The following SLC37A1 variants were observed in gnomAD, a reference collection of about 807,000 sequenced individuals.
The protein encoded by SLC37A1 is glucose-6-phosphate exchanger SLC37A1.
Under a neutral mutation model 75.3 loss-of-function variants are expected in SLC37A1, and 49 were observed. The ratio of observed to expected loss-of-function variants is 0.65; its 90% CI spans 0.52 to 0.83. The LOEUF (loss-of-function observed/expected upper bound fraction) is 0.83, where lower values mean the gene tolerates loss of function less well. SLC37A1 is among the 40% of genes least tolerant of loss of function. The probability of loss-of-function intolerance (pLI) is 0.00; values close to 1 mark genes in which losing one functional copy is unlikely to be tolerated. For synonymous variants in SLC37A1, 268 were observed against 292.1 expected, an observed-to-expected ratio of 0.92 and a Z score of 0.84; for missense variants, 566 against 695.0, an observed-to-expected ratio of 0.81 and a Z score of 2.09.
chr21:42,579,914 C>A, intron 19 of SLC37A1, 114 bp downstream of exon 19: 1 of 935,436 alleles, frequency 1.1e-6, no homozygotes, highest in Non-Finnish European at 1.7e-6. Flanking sequence ...CGTGGCTTAT[C>A]TTTTCACGGC....
At chr21:42,565,030 CCT>C (rs1347264070) in intron 14 of SLC37A1, among the ~76,000 whole-genome samples, 4 of 152,274 alleles carry the variant, frequency 2.6e-5, no homozygotes, top group African/African-American at 9.6e-5. Flanking sequence ...GCAAGCTGCT[CCT>C]CTCTTTGGGG....
chr21:42,557,523 C>T (rs542288156), intron 10 of SLC37A1, among the ~76,000 whole-genome samples: 1 of 152,374 alleles, frequency 6.6e-6, no homozygotes, highest in South Asian at 2.1e-4. Context: ...CATCTTCATT[C>T]CAGAGCACCT....
At chr21:42,518,106 CT>C (rs1463564225) in intron 1 of SLC37A1, among the ~76,000 whole-genome samples, 170 bp from the exon 2 acceptor site, 3 of 152,204 alleles carry the variant, frequency 2.0e-5, no homozygotes, top group African/African-American at 7.2e-5. Context: ...CTCCACCTCA[CT>C]CCCCCTCTTC....
intron 14 of SLC37A1, among the ~76,000 whole-genome samples, chr21:42,565,508 G>A (rs962702062): frequency 3.9e-5 from 6 of 152,198 alleles, no homozygotes; most frequent in Non-Finnish European, 7.4e-5. Flanking sequence ...AGTCAGACTC[G>A]CAAATCAGGA....
chr21:42,579,223 G>C (rs2056367099), intron 18 of SLC37A1, among the ~76,000 whole-genome samples: 1 of 152,204 alleles, frequency 6.6e-6, no homozygotes, highest in Non-Finnish European at 1.5e-5. Context: ...TGGCCTCCAA[G>C]GGGCTCCCAG....
chr21:42,564,537 A>G (rs192009112), intron 13 of SLC37A1, among the ~76,000 whole-genome samples, 171 bp from the exon 14 acceptor site: 75 of 152,276 alleles, frequency 4.9e-4, no homozygotes, highest in Admixed American at 8.5e-4. Context: ...ACCACAACCA[A>G]TGGAGGCCTG....
chr21:42,519,964 T>TGTGTGTGTG lies in SLC37A1; in HGVS notation c.56+1454_56+1455insGTGTGTGTG, dbSNP rs1555879905. Reference sequence around the variant, plus strand: ...CTCTCCCTGCCCCTCCACAGTGTGTTTGTGTGTGTGTGTGTGTGTGCATGT... The same window carrying TGTGTGTGTG: ...CTCTCCCTGCCCCTCCACAGTGTGTTGTGTGTGTGTGTGTGTGTGTGTGTGTGTGCATGT... On this transcript the variant is annotated intron_variant, in intron 2 of 19. Transcript: ENST00000352133. 1.4e-3 allele frequency among the ~76,000 whole-genome samples: 210 copies of TGTGTGTGTG among 148,660 alleles called. 1 individual carries two copies. Among genetic ancestry groups the TGTGTGTGTG allele is most frequent in the South Asian group, 4.6e-3 (22 of 4,762 alleles).
At chr21:42,553,667 GTT>G (rs57244964) in intron 9 of SLC37A1, among the ~76,000 whole-genome samples, 6 of 146,488 alleles carry the variant, frequency 4.1e-5, no homozygotes, top group African/African-American at 1.5e-4. Flanking sequence ...CCTAGAGACG[GTT>G]TTTTTTTTTT....
Position 42,518,354 on chromosome 21 carries a change from G to A in SLC37A1, c.-101G>A. 6.9e-7 allele frequency: 1 copy of A among 1,458,916 alleles called. No homozygotes were observed. Among genetic ancestry groups the A allele is most frequent in the Non-Finnish European group, 9.6e-7 (1 of 1,042,298 alleles). The allele number at this position is 1,458,916 out of a possible 1,614,324, so 90.4% of individuals were successfully genotyped here. A position where few individuals can be genotyped will look rare whatever the true frequency, so the allele number is the denominator to read the frequency against. On this transcript the variant is annotated 5_prime_UTR_variant, in exon 2 of 20. Transcript: ENST00000352133. ...TTTCCACGCTTTCCAGCCTGTGGGA[G>A]CGGCAGGGGCAACAGAGAGAGGATC...
Position 42,535,461 on chromosome 21 carries a change from A to C in SLC37A1, c.272-11A>C. ...ACTGAGCTTGTCCTGCTGGTTTTCA[A>C]ATTCATATAGATAAGAACAACTATC... On this transcript the variant is annotated splice_polypyrimidine_tract_variant and intron_variant, in intron 4 of 19. Transcript: ENST00000352133. 1 of 1,612,522 alleles carries C rather than the reference A, an allele frequency of 6.2e-7. No homozygotes were observed.
chr21:42,572,287 C>T (rs1219400872), intron 17 of SLC37A1, among the ~76,000 whole-genome samples: 4 of 152,148 alleles, frequency 2.6e-5, no homozygotes, highest in Non-Finnish European at 5.9e-5. Flanking sequence ...CTTCATCCAC[C>T]GTCCTGGGGC....
chr21:42,518,471 C>T lies in SLC37A1; in HGVS notation c.17C>T (p.Ala6Val). ...GCGACGTAAATGGCTCGACTCCCCGCTGGCATTCGCTTCATCATCTCATTC... is the reference window on the plus strand; with the variant it reads ...GCGACGTAAATGGCTCGACTCCCCGTTGGCATTCGCTTCATCATCTCATTC... MARLP[A>V]GIRFIISFSR... Residue 6 changes from alanine to valine, a missense_variant, in exon 2 of 20, where the codon GCT becomes GTT. Coordinates refer to ENST00000352133, the MANE Select transcript of SLC37A1 (RefSeq NM_001320537.2). 1 of 1,614,202 alleles carries T rather than the reference C, an allele frequency of 6.2e-7. No homozygotes were observed. Among genetic ancestry groups the T allele is most frequent in the Non-Finnish European group, 8.5e-7 (1 of 1,180,038 alleles).
At chr21:42,568,059 TC>T (rs2056025268) in intron 16 of SLC37A1, among the ~76,000 whole-genome samples, 1 of 152,258 alleles carries the variant, frequency 6.6e-6, no homozygotes, top group South Asian at 2.1e-4. Flanking sequence ...TTCACGCCTC[TC>T]ACGCTGGCTG....
At chr21:42,571,054 G>A (rs1437498289) in intron 17 of SLC37A1, among the ~76,000 whole-genome samples, 1 of 152,234 alleles carries the variant, frequency 6.6e-6, no homozygotes, top group East Asian at 1.9e-4. Flanking sequence ...CCTGCTGCCT[G>A]CTCAGTGAAT....
At chr21:42,570,460 C>T (rs971631271) in intron 17 of SLC37A1, among the ~76,000 whole-genome samples, 5 of 152,166 alleles carry the variant, frequency 3.3e-5, no homozygotes, top group South Asian at 2.1e-4. Flanking sequence ...TATTGGGTGG[C>T]GGCAGTAGTC....
chr21:42,537,275 G>A (rs1737102378), intron 5 of SLC37A1, among the ~76,000 whole-genome samples: 1 of 152,196 alleles, frequency 6.6e-6, no homozygotes, highest in African/African-American at 2.4e-5. Context: ...CAGCAGACCA[G>A]GAGCCTAGCT....
At chr21:42,543,872 A>T (rs228076) in intron 8 of SLC37A1, among the ~76,000 whole-genome samples, 1 of 152,136 alleles carries the variant, frequency 6.6e-6, no homozygotes, top group Non-Finnish European at 1.5e-5. Flanking sequence ...CGGCATCAGG[A>T]GTTCATGCAT....
At chr21:42,523,762 A>AT (rs2054711859) in intron 2 of SLC37A1, among the ~76,000 whole-genome samples, 1 of 152,224 alleles carries the variant, frequency 6.6e-6, no homozygotes, top group Non-Finnish European at 1.5e-5. Context: ...GCACTGGGGA[A>AT]TTTCTGTCTT....
chr21:42,507,410 G>C (rs928884), intron 2 of SLC37A1, among the ~76,000 whole-genome samples: 98,549 of 151,940 alleles, frequency 0.65, 32,616 homozygotes, highest in Admixed American at 0.73. Context: ...CTGTCAGCCT[G>C]TGGTAAGTAG....
Sources: gnomAD v4.1 joint callset for allele counts (sites outside exome capture counted in the v4.1 genomes callset) on GRCh38, gnomAD v4.1.1 for gene constraint, MANE v1.5 for transcripts, NCBI Gene and HGNC (gene_info 2026-07-23, HGNC 2026-07-21) for gene names.